Variants in TNIK observed in about 807,000 individuals in gnomAD.
TNIK encodes TRAF2 and NCK-interacting protein kinase.
Under a neutral mutation model 191.3 loss-of-function variants are expected in TNIK, and 49 were observed. The ratio of observed to expected loss-of-function variants is 0.26; its 90% CI spans 0.20 to 0.32. The LOEUF (loss-of-function observed/expected upper bound fraction) is 0.32. TNIK is among the 10% of genes least tolerant of loss of function. The pLI is 1.00. For synonymous variants in TNIK, 594 were observed against 600.9 expected, an observed-to-expected ratio of 0.99 and a Z score of 0.17; for missense variants, 1,155 against 1,702.3, an observed-to-expected ratio of 0.68 and a Z score of 5.66.
intron 2 of TNIK, among the ~76,000 whole-genome samples, chr3:171,315,046 C>T (rs1302404074): frequency 1.3e-5 from 2 of 152,122 alleles, no homozygotes; most frequent in Non-Finnish European, 2.9e-5. Context: ...AACCCCCCCT[C>T]CTGCTTTATC....
chr3:171,446,954 G>A (rs1438274460), intron 1 of TNIK, among the ~76,000 whole-genome samples: 1 of 152,222 alleles, frequency 6.6e-6, no homozygotes, highest in Non-Finnish European at 1.5e-5. Context: ...ACTTTGGGAA[G>A]CTGAGGCGGG....
chr3:171,273,634 C>T (rs1307890036), intron 2 of TNIK, among the ~76,000 whole-genome samples: 1 of 152,140 alleles, frequency 6.6e-6, no homozygotes, highest in Non-Finnish European at 1.5e-5. Flanking sequence ...CCTATTCTTC[C>T]ATCTGCCCCC....
In TNIK at chr3:171,335,255, GTTGT is replaced by G. The variant is rs546523126; in HGVS notation, c.123+34361_123+34364del. 1.1e-4 allele frequency among the ~76,000 whole-genome samples: 17 copies of G among 152,236 alleles called. No homozygotes were observed. In the East Asian group the frequency reaches 3.1e-3, roughly 28 times the overall value. The stretch of plus-strand genomic sequence containing the variant: ...TGGACAAATAAAAGAAAATGCATAG[GTTGT>G]TTATTAATTTAGTAATGCAATTTCC... On this transcript the variant is annotated intron_variant, in intron 2 of 32. Coordinates refer to ENST00000436636, the MANE Select transcript of TNIK (RefSeq NM_015028.4).
chr3:171,083,064 A>C (rs1358183878), intron 26 of TNIK, among the ~76,000 whole-genome samples: 2 of 152,200 alleles, frequency 1.3e-5, no homozygotes, highest in African/African-American at 4.8e-5. Context: ...ACAGAAGCAC[A>C]GGCACATAAG....
At position 171,410,813 on chromosome 3, in the gene TNIK, T is replaced by A. The variant is rs371391754; in HGVS notation, c.58-41128A>T. On this transcript the variant is annotated intron_variant, in intron 1 of 32. Transcript: ENST00000436636. The stretch of plus-strand genomic sequence containing the variant: ...AAAAAAAAAAAAAAAAGACTTTGCC[T>A]GGAAAATTGGTAGAGACTCATTTCT... Among the ~76,000 whole-genome samples the A allele has an allele frequency of 1.4e-3, 191 of 141,442 alleles. 1 individual carries two copies. The highest frequency in any genetic ancestry group is 4.8e-3 in the African/African-American group (182 of 37,958). The allele number at this position is 141,442 out of a possible 152,430, so 92.8% of individuals were successfully genotyped here.
intron 5 of TNIK, among the ~76,000 whole-genome samples, chr3:171,193,692 C>T (rs975237215): frequency 1.3e-5 from 2 of 152,134 alleles, no homozygotes; most frequent in Admixed American, 6.6e-5. Context: ...ATCTTGAACA[C>T]ACAGTAAAAA....
intron 1 of TNIK, among the ~76,000 whole-genome samples, chr3:171,382,161 T>TCCATTAGC (rs1237747275): frequency 3.3e-5 from 5 of 151,450 alleles, no homozygotes; most frequent in Admixed American, 2.0e-4. Context: ...AGGACTCTTC[T>TCCATTAGC]CCATTAGCCT....
Position 171,414,041 on chromosome 3 carries a change from C to T in TNIK, c.58-44356G>A, listed in dbSNP as rs114082903. ...CAGCTATCTATTAATAATCTATCTA[C>T]CTATCCATCTATCCATCCATCCACC... On this transcript the variant is annotated intron_variant, in intron 1 of 32. Transcript: ENST00000436636. Among the ~76,000 whole-genome samples, 1,046 of 152,304 alleles carry T rather than the reference C, an allele frequency of 6.9e-3. 13 individuals carry two copies. Among genetic ancestry groups the T allele is most frequent in the African/African-American group, 0.024 (989 of 41,558 alleles).
At chr3:171,347,630 C>G (rs764643613) in intron 2 of TNIK, among the ~76,000 whole-genome samples, 52 of 152,142 alleles carry the variant, frequency 3.4e-4, no homozygotes, top group Non-Finnish European at 1.2e-4. Context: ...ACCCAGGAGT[C>G]ATCGGAGCAG....
intron 2 of TNIK, among the ~76,000 whole-genome samples, chr3:171,261,218 C>A (rs1166267021): frequency 6.6e-6 from 1 of 152,222 alleles, no homozygotes; most frequent in African/African-American, 2.4e-5. Flanking sequence ...TTTCTCCCAC[C>A]CTTCTATACT....
intron 4 of TNIK, among the ~76,000 whole-genome samples, chr3:171,200,914 T>G (rs1271683505): frequency 1.3e-5 from 2 of 152,328 alleles, no homozygotes; most frequent in South Asian, 2.1e-4. Flanking sequence ...CAGAATACCC[T>G]GACAGGAACT....
chr3:171,423,620 G>C (rs769383250), intron 1 of TNIK, among the ~76,000 whole-genome samples: 43 of 152,162 alleles, frequency 2.8e-4, no homozygotes, highest in Non-Finnish European at 4.4e-4. Context: ...GCATGGTACT[G>C]GTACCGAAAC....
chr3:171,379,193 G>A (rs888404958), intron 1 of TNIK, among the ~76,000 whole-genome samples: 1 of 152,046 alleles, frequency 6.6e-6, no homozygotes, highest in South Asian at 2.1e-4. Context: ...ATTTTTCTCG[G>A]TTCACAGACT....
chr3:171,059,306 A>G lies in TNIK; in HGVS notation c.*4575T>C, dbSNP rs1187493465. On this transcript the variant is annotated 3_prime_UTR_variant, in exon 33 of 33. Transcript: ENST00000436636. ...GATCTAGATTTAAAATAACTCAAAC[A>G]TTACCCAGGGATTTTTGTTTAAAAA... 6.6e-6 allele frequency among the ~76,000 whole-genome samples: 1 copy of G among 152,170 alleles called. No individual in the cohort carries two copies. Among genetic ancestry groups the G allele is most frequent in the Non-Finnish European group, 1.5e-5 (1 of 68,016 alleles).
intron 1 of TNIK, among the ~76,000 whole-genome samples, chr3:171,397,119 G>C (rs1187131116): frequency 6.6e-6 from 1 of 152,180 alleles, no homozygotes; most frequent in Non-Finnish European, 1.5e-5. Flanking sequence ...CCTCTGAAAT[G>C]TGGCATCTGG....
At chr3:171,258,204 T>C (rs1747130620) in intron 2 of TNIK, among the ~76,000 whole-genome samples, 1 of 152,164 alleles carries the variant, frequency 6.6e-6, no homozygotes, top group Non-Finnish European at 1.5e-5. Flanking sequence ...AATATCTCTG[T>C]GCAATTGGAA....
At chr3:171,136,583 G>A (rs1214735786) in intron 15 of TNIK, among the ~76,000 whole-genome samples, 1 of 152,188 alleles carries the variant, frequency 6.6e-6, no homozygotes, top group Non-Finnish European at 1.5e-5. Flanking sequence ...TGCTCAAGCA[G>A]GAGTCTTGGT....
chr3:171,382,964 CTGAA>C (rs1458836272), intron 1 of TNIK, among the ~76,000 whole-genome samples: 5 of 152,196 alleles, frequency 3.3e-5, no homozygotes, highest in African/African-American at 1.2e-4. Context: ...CTGCTTCACA[CTGAA>C]TGTCTCCCCA....
At chr3:171,451,321 A>G (rs1728148769) in intron 1 of TNIK, among the ~76,000 whole-genome samples, 2 of 152,228 alleles carry the variant, frequency 1.3e-5, no homozygotes, top group Non-Finnish European at 2.9e-5. Context: ...TCCTGCCAAC[A>G]TCCAGCACCA....
Sources: gnomAD v4.1 joint callset for allele counts (sites outside exome capture counted in the v4.1 genomes callset) on GRCh38, gnomAD v4.1.1 for gene constraint, MANE v1.5 for transcripts, NCBI Gene and HGNC (gene_info 2026-07-23, HGNC 2026-07-21) for gene names.